Variants in HAND1 observed in about 807,000 individuals in gnomAD.
The protein encoded by HAND1 is heart- and neural crest derivatives-expressed protein 1.
HAND1 carries 10 observed loss-of-function variants against 14.5 expected under a neutral mutation model. That is an observed-to-expected ratio of 0.69 (90% confidence interval 0.42 to 1.17). The LOEUF is 1.17. HAND1 is among the 50% of genes most tolerant of loss of function. The probability of loss-of-function intolerance (pLI) is 0.00; values close to 1 mark genes in which losing one functional copy is unlikely to be tolerated. For missense variants in HAND1, 299 were observed against 298.4 expected (o/e 1.00, Z -0.01); for synonymous variants, 128 against 127.1 (o/e 1.01, Z -0.05).
rs553814432 is a variant in HAND1, at chr5:154,475,976, C to T, written c.544-66G>A. ...GGTTTTAATTTTTCTGCTCCGATCG[C>T]CCGGCATGGGGTAAGATGAGGAGGA... On this transcript the variant is annotated intron_variant, in intron 1 of 1. Coordinates refer to ENST00000231121, the MANE Select transcript of HAND1 (RefSeq NM_004821.3). The T allele has an allele frequency of 3.7e-5, 45 of 1,230,672 alleles. No individual in the cohort carries two copies. The South Asian group carries it at 4.8e-4, about 13-fold the overall frequency. 76.2% of individuals were successfully genotyped at this position (1,230,672 alleles called of 1,614,324 possible).
chr5:154,475,992 A>T, intron 1 of HAND1, 82 bp from the exon 2 acceptor site: 1 of 1,030,162 alleles, frequency 9.7e-7, no homozygotes, highest in South Asian at 1.3e-5. Flanking sequence ...ATGGGGTAAG[A>T]TGAGGAGGAG....
In HAND1 at chr5:154,478,075, C is replaced by G; in HGVS notation, c.-67G>C. On this transcript the variant is annotated 5_prime_UTR_variant, in exon 1 of 2. Coordinates refer to ENST00000231121, the MANE Select transcript of HAND1 (RefSeq NM_004821.3). The surrounding 1 kb of genome is among the most constrained non-coding windows in gnomAD (Gnocchi z 4.5). ...CCGCTCCATGCGCCCCAGAGACTGC[C>G]GGGGGCCACCTGTGGGCTCTGGAGC... 6.4e-7 allele frequency: 1 copy of G among 1,574,014 alleles called. No homozygotes were observed. The highest frequency in any genetic ancestry group is 8.6e-7 in the Non-Finnish European group (1 of 1,161,028).
Position 154,477,727 on chromosome 5 carries a change from C to A in HAND1, c.282G>T (p.Arg94=), listed in dbSNP as rs1304914388. 1 of 1,613,402 alleles carries A rather than the reference C, an allele frequency of 6.2e-7. No individual in the cohort carries two copies. Among genetic ancestry groups the A allele is most frequent in the South Asian group, 1.1e-5 (1 of 91,070 alleles). ...CCTTCTTGGGTCCTGAGCCTTTCCGCCGGCCAAGACGGCCGCCAAGCGCCT... is the reference window on the plus strand; with the variant it reads ...CCTTCTTGGGTCCTGAGCCTTTCCGACGGCCAAGACGGCCGCCAAGCGCCT... ...RLEALGGRLG[R]RKGSGPKKER... The change falls in exon 1 of 2, where the codon CGG becomes CGT. Residue 94 remains arginine, a synonymous_variant. Transcript: ENST00000231121.
At chr5:154,476,193 G>T (rs963016283) in intron 1 of HAND1, among the ~76,000 whole-genome samples, 6 of 152,258 alleles carry the variant, frequency 3.9e-5, no homozygotes, top group African/African-American at 1.4e-4. Flanking sequence ...GCGTTGATTT[G>T]GCTTTAGGAC....
chr5:154,478,051 C>T lies in HAND1; in HGVS notation c.-43G>A. 6.3e-7 allele frequency: 1 copy of T among 1,594,976 alleles called. No homozygotes were observed. Among genetic ancestry groups the T allele is most frequent in the Non-Finnish European group, 8.5e-7 (1 of 1,178,812 alleles). On this transcript the variant is annotated 5_prime_UTR_variant, in exon 1 of 2. Coordinates refer to ENST00000231121, the MANE Select transcript of HAND1 (RefSeq NM_004821.3). This position sits in a 1 kb window ranked among gnomAD's most constrained non-coding sequence, Gnocchi z 4.5. Reference sequence around the variant, plus strand: ...CCTGCGCCGCCAGCCCTATTAACGCCGCTCCATGCGCCCCAGAGACTGCCG... The same window carrying T: ...CCTGCGCCGCCAGCCCTATTAACGCTGCTCCATGCGCCCCAGAGACTGCCG...
chr5:154,477,516 C>G lies in HAND1; in HGVS notation c.493G>C (p.Glu165Gln). 6.2e-7 allele frequency: 1 copy of G among 1,614,196 alleles called. No homozygotes were observed. The highest frequency in any genetic ancestry group is 8.5e-7 in the Non-Finnish European group (1 of 1,180,042). ...CGGCCGCCATCCGCCTTCTTGAGTT[C>G]AGCCTTGAAGGCCTCGGGATCGCCA... ...QSGDPEAFKAELKKADGGRES... is the reference protein window; with the variant it reads ...QSGDPEAFKAQLKKADGGRES... Residue 165 changes from glutamate to glutamine, a missense_variant, in exon 1 of 2, where the codon GAA becomes CAA. Coordinates refer to ENST00000231121, the MANE Select transcript of HAND1 (RefSeq NM_004821.3).
In HAND1 at chr5:154,477,921, C is replaced by G. The variant is rs753450334; in HGVS notation, c.88G>C (p.Gly30Arg). ...HPMLHEPFLF[G>R]PASRCHQERP... ...TCCTGATGACAGCGCGAGGCCGGACCGAAGAGGAAGGGTTCGTGGAGCATG... is the reference window on the plus strand; with the variant it reads ...TCCTGATGACAGCGCGAGGCCGGACGGAAGAGGAAGGGTTCGTGGAGCATG... The change falls in exon 1 of 2, where the codon GGT (glycine) becomes CGT (arginine). Residue 30 changes from glycine to arginine, a missense_variant. Coordinates refer to ENST00000231121, the MANE Select transcript of HAND1 (RefSeq NM_004821.3). 1.9e-6 allele frequency: 3 copies of G among 1,599,108 alleles called. No individual in the cohort carries two copies. The highest frequency in any genetic ancestry group is 1.7e-6 in the Non-Finnish European group (2 of 1,179,870).
Position 154,477,761 on chromosome 5 carries a change from C to T in HAND1, c.248G>A (p.Gly83Glu). ...GPDARPGQSPGRLEALGGRLG... is the reference protein window; with the variant it reads ...GPDARPGQSPERLEALGGRLG... The stretch of plus-strand genomic sequence containing the variant: ...ACGGCCGCCAAGCGCCTCCAGCCGC[C>T]CGGGGCTCTGCCCAGGCCTGGCGTC... The change falls in exon 1 of 2, where the codon GGG becomes GAG. Residue 83 changes from glycine (G) to glutamate (E), a missense_variant. Transcript: ENST00000231121. 2.5e-6 allele frequency: 4 copies of T among 1,609,396 alleles called. No individual in the cohort carries two copies. The highest frequency in any genetic ancestry group is 1.1e-5 in the South Asian group (1 of 90,918).
Position 154,475,609 on chromosome 5 carries a change from A to C in HAND1, c.*197T>G. The C allele has an allele frequency of 3.3e-6, 2 of 605,142 alleles. No homozygotes were observed. Among genetic ancestry groups the C allele is most frequent in the East Asian group, 5.5e-5 (2 of 36,056 alleles). The allele number at this position is 605,142 out of a possible 1,614,324, so 37.5% of individuals were successfully genotyped here. A position where few individuals can be genotyped will look rare whatever the true frequency, so the allele number is the denominator to read the frequency against. On this transcript the variant is annotated 3_prime_UTR_variant, in exon 2 of 2. Transcript: ENST00000231121. ...TATTTCTCTTTCTCTTAATGTATTAAAAAAAATCAAAGGACATTGCACGTG... is the reference window on the plus strand; with the variant it reads ...TATTTCTCTTTCTCTTAATGTATTACAAAAAATCAAAGGACATTGCACGTG...
At position 154,477,810 on chromosome 5, in the gene HAND1, C is replaced by T; in HGVS notation, c.199G>A (p.Ala67Thr). The T allele has an allele frequency of 6.3e-7, 1 of 1,589,170 alleles. No homozygotes were observed. Among genetic ancestry groups the T allele is most frequent in the South Asian group, 1.1e-5 (1 of 90,356 alleles). ...PAGGPPPAAA[A>T]AATAYGPDAR... The stretch of plus-strand genomic sequence containing the variant: ...TCAGGACCATAGGCGGTGGCGGCTG[C>T]AGCGGCCGCGGGCGGCGGCCCGCCC... Residue 67 changes from alanine to threonine, a missense_variant, in exon 1 of 2, where the codon GCA becomes ACA. Ala to Thr is a moderately conservative substitution (Grantham distance 58). Transcript: ENST00000231121.
chr5:154,476,817 G>A (rs898958543), intron 1 of HAND1, among the ~76,000 whole-genome samples: 5 of 152,204 alleles, frequency 3.3e-5, no homozygotes, highest in African/African-American at 1.2e-4. Context: ...GCCAAGACGA[G>A]ACTGCGCTCT....
rs1757564676 is a variant in HAND1 at position 154,477,557 on chromosome 5, G to T, written c.452C>A (p.Ala151Asp). ...GGGATCGCCAGACTGTGCATCCTTG[G>T]CCAGCACGTCCATCAGGTAGGCGAT... ...SYIAYLMDVL[A>D]KDAQSGDPEA... Residue 151 changes from alanine (A) to aspartate (D), a missense_variant, in exon 1 of 2, where the codon GCC becomes GAC. Transcript: ENST00000231121. The T allele has an allele frequency of 1.2e-6, 2 of 1,614,074 alleles. No individual in the cohort carries two copies. The highest frequency in any genetic ancestry group is 2.7e-5 in the African/African-American group (2 of 74,942).
At position 154,477,663 on chromosome 5, in the gene HAND1, C is replaced by A; in HGVS notation, c.346G>T (p.Glu116Ter). The A allele has an allele frequency of 1.2e-6, 2 of 1,614,242 alleles. No homozygotes were observed. The highest frequency in any genetic ancestry group is 1.7e-6 in the Non-Finnish European group (2 of 1,180,040). ...RTESINSAFA[E>*]LRECIPNVPA... ...ACGTTGGGGATGCACTCGCGCAACT[C>A]CGCGAATGCGCTGTTAATGCTCTCA... Residue 116 changes from glutamate to a stop codon, truncating the protein, a stop_gained, in exon 1 of 2, where the codon GAG becomes TAG. Coordinates refer to ENST00000231121, the MANE Select transcript of HAND1 (RefSeq NM_004821.3). LOFTEE classifies it high-confidence loss of function.
In HAND1 at chr5:154,477,837, C is replaced by A. The variant is rs1352583664; in HGVS notation, c.172G>T (p.Ala58Ser). 10 of 1,600,154 alleles carry A rather than the reference C, an allele frequency of 6.2e-6. 1 individual carries two copies. In the South Asian group the frequency reaches 1.1e-4, roughly 18 times the overall value. Residue 58 changes from alanine to serine, a missense_variant, in exon 1 of 2, where the codon GCG becomes TCG. Ala to Ser is a moderately conservative substitution (Grantham distance 99, BLOSUM62 1). Coordinates refer to ENST00000231121, the MANE Select transcript of HAND1 (RefSeq NM_004821.3). ...GCGGCCGCGGGCGGCGGCCCGCCCG[C>A]AGGGAAGTCCGGGGCAGCGTCAGCC... Reference protein sequence around the residue: ...SPADAAPDFPAGGPPPAAAAA... With the variant: ...SPADAAPDFPSGGPPPAAAAA...
In HAND1 at chr5:154,477,796, G is replaced by C; in HGVS notation, c.213C>G (p.Ala71=). The C allele has an allele frequency of 6.3e-7, 1 of 1,589,686 alleles. No individual in the cohort carries two copies. Among genetic ancestry groups the C allele is most frequent in the Non-Finnish European group, 8.5e-7 (1 of 1,172,274 alleles). Reference sequence around the variant, plus strand: ...GCCCAGGCCTGGCGTCAGGACCATAGGCGGTGGCGGCTGCAGCGGCCGCGG... The same window carrying C: ...GCCCAGGCCTGGCGTCAGGACCATACGCGGTGGCGGCTGCAGCGGCCGCGG... The part of the protein sequence containing the change: ...PPPAAAAAAT[A]YGPDARPGQS... The change falls in exon 1 of 2, where the codon GCC becomes GCG. Residue 71 remains alanine (A), a synonymous_variant. Transcript: ENST00000231121.
Position 154,478,199 on chromosome 5 carries a change from C to T in HAND1, c.-191G>A. 3.1e-6 allele frequency: 2 copies of T among 653,268 alleles called. No homozygotes were observed. The highest frequency in any genetic ancestry group is 5.5e-5 in the East Asian group (2 of 36,646). 40.5% of individuals were successfully genotyped at this position (653,268 alleles called of 1,614,324 possible). On this transcript the variant is annotated 5_prime_UTR_variant, in exon 1 of 2. Transcript: ENST00000231121. The surrounding 1 kb of genome is among the most constrained non-coding windows in gnomAD (Gnocchi z 4.5). ...CGGTTTCTGCCGCGGGCGAGGTCGC[C>T]GAAGCCCAAAGACCTGTTTAACCCT...
chr5:154,476,139 G>A (rs1757537715), intron 1 of HAND1, among the ~76,000 whole-genome samples: 1 of 152,186 alleles, frequency 6.6e-6, no homozygotes, highest in Non-Finnish European at 1.5e-5. Flanking sequence ...GCAGCTTCGG[G>A]AGGTTTGGTA....
chr5:154,478,136 A>C lies in HAND1; in HGVS notation c.-128T>G, dbSNP rs993098. ...CGCCGGCTTTGGGAGAGTCCGGGCA[A>C]GGCTGAAAATGAGACGCGCAGCCCA... is the stretch of plus-strand genomic sequence containing the variant. On this transcript the variant is annotated 5_prime_UTR_variant, in exon 1 of 2. Transcript: ENST00000231121. This position sits in a 1 kb window ranked among gnomAD's most constrained non-coding sequence, Gnocchi z 4.5. 3.8e-4 allele frequency: 401 copies of C among 1,044,534 alleles called. 2 individuals carry two copies. In the African/African-American group the frequency reaches 5.7e-3, roughly 15 times the overall value. The allele number at this position is 1,044,534 out of a possible 1,614,324, so 64.7% of individuals were successfully genotyped here.
In HAND1 at chr5:154,477,601, CAG is replaced by C. The variant is rs765936211; in HGVS notation, c.406_407del (p.Leu136AlafsTer29). Reference protein sequence around the residue: ...ADTKLSKIKTLRLATSYIAYL... With the variant: ...ADTKLSKIKTXRLATSYIAYL... ...AGGCGATGTAGCTGGTGGCTAGGCG[CAG>C]AGTCTTGATCTTGGAGAGCTTGGTG... On this transcript the variant is annotated frameshift_variant, in exon 1 of 2. Coordinates refer to ENST00000231121, the MANE Select transcript of HAND1 (RefSeq NM_004821.3). LOFTEE classifies it high-confidence loss of function. 2.5e-6 allele frequency: 4 copies of C among 1,614,138 alleles called. No individual in the cohort carries two copies. The highest frequency in any genetic ancestry group is 1.3e-5 in the African/African-American group (1 of 74,944).
Sources: allele counts gnomAD v4.1 joint callset (sites outside exome capture counted in the v4.1 genomes callset), GRCh38; gene constraint gnomAD v4.1.1; non-coding constraint Gnocchi (gnomAD v3.1); transcripts MANE v1.5; gene names NCBI Gene and HGNC (gene_info 2026-07-23, HGNC 2026-07-21).